The following CDH13 variants were observed in gnomAD, a reference collection of about 807,000 sequenced individuals.
The protein encoded by CDH13 is cadherin-13.
CDH13 carries 24 observed loss-of-function variants against 63.8 expected under a neutral mutation model. The ratio of observed to expected loss-of-function variants is 0.38; its 90% confidence interval spans 0.27 to 0.53. The LOEUF (loss-of-function observed/expected upper bound fraction) is 0.53. Among genes scored for constraint, CDH13 ranks in the 20% least tolerant of loss-of-function variants. The probability of loss-of-function intolerance (pLI) is 0.85; values close to 1 mark genes in which losing one functional copy is unlikely to be tolerated. For synonymous variants in CDH13, 503 were observed against 355.3 expected, an observed-to-expected ratio of 1.42 and a Z score of -4.67; for missense variants, 1,049 against 903.1, an observed-to-expected ratio of 1.16 and a Z score of -2.07.
intron 7 of CDH13, among the ~76,000 whole-genome samples, chr16:83,596,227 G>C (rs1436891617): frequency 6.6e-6 from 1 of 152,220 alleles, no homozygotes; most frequent in Non-Finnish European, 1.5e-5. Context: ...ACCTGGACAA[G>C]TGAAGAGGCA....
At chr16:83,742,698 C>T (rs571495779) in intron 10 of CDH13, among the ~76,000 whole-genome samples, 2 of 152,216 alleles carry the variant, frequency 1.3e-5, no homozygotes, top group Non-Finnish European at 2.9e-5. Context: ...TGGTCTTGAG[C>T]TGTTCTCCCT....
At chr16:82,867,572 G>T (rs939431351) in intron 2 of CDH13, among the ~76,000 whole-genome samples, 1 of 152,134 alleles carries the variant, frequency 6.6e-6, no homozygotes, top group Non-Finnish European at 1.5e-5. Context: ...TTGGTTAGCA[G>T]CCAGGTCCTC....
intron 5 of CDH13, among the ~76,000 whole-genome samples, chr16:83,321,455 T>G (rs2151894711): frequency 6.6e-6 from 1 of 152,144 alleles, no homozygotes; most frequent in Non-Finnish European, 1.5e-5. Context: ...CAAAATGCTA[T>G]GGCATTAAAG....
chr16:82,802,123 G>A (rs969985126), intron 1 of CDH13, among the ~76,000 whole-genome samples: 1 of 151,954 alleles, frequency 6.6e-6, no homozygotes, highest in East Asian at 1.9e-4. Context: ...CCTCTCATTG[G>A]TTGGAGCCTG....
At chr16:83,730,725 T>A (rs1446335059) in intron 10 of CDH13, among the ~76,000 whole-genome samples, 1 of 152,212 alleles carries the variant, frequency 6.6e-6, no homozygotes, top group African/African-American at 2.4e-5. Flanking sequence ...CTGGGTCTAT[T>A]GCGTGTTGCT....
chr16:82,681,820 A>G (rs777396715), intron 1 of CDH13, among the ~76,000 whole-genome samples: 6 of 152,236 alleles, frequency 3.9e-5, no homozygotes, highest in Non-Finnish European at 8.8e-5. Flanking sequence ...ACATGCGTCA[A>G]TGTGTAAACA....
chr16:82,972,908 A>T (rs928405666), intron 2 of CDH13, among the ~76,000 whole-genome samples: 6 of 152,164 alleles, frequency 3.9e-5, no homozygotes, highest in African/African-American at 1.4e-4. Context: ...CCTGATTTTA[A>T]TGAACCCTCG....
At chr16:83,256,426 C>G (rs893904230) in intron 5 of CDH13, among the ~76,000 whole-genome samples, 1 of 152,056 alleles carries the variant, frequency 6.6e-6, no homozygotes, top group African/African-American at 2.4e-5. Context: ...TAAGTATTGT[C>G]AGCTCAGAGT....
chr16:82,666,539 A>G (rs1026686715), intron 1 of CDH13, among the ~76,000 whole-genome samples: 1 of 152,198 alleles, frequency 6.6e-6, no homozygotes, highest in African/African-American at 2.4e-5. Context: ...GGGAAAGCAC[A>G]CACTTTGAAG....
At chr16:83,775,586 C>G (rs900153468) in intron 11 of CDH13, among the ~76,000 whole-genome samples, 1 of 152,084 alleles carries the variant, frequency 6.6e-6, no homozygotes, top group Non-Finnish European at 1.5e-5. Context: ...AGCTCCATTT[C>G]TGGGTGTTTT....
chr16:83,758,657 A>G (rs536270684), intron 11 of CDH13, among the ~76,000 whole-genome samples: 2 of 152,252 alleles, frequency 1.3e-5, no homozygotes, highest in Admixed American at 1.3e-4. Flanking sequence ...GAATTTTCAG[A>G]GAATCTATTA....
At chr16:83,326,284 C>G (rs539589903) in intron 5 of CDH13, among the ~76,000 whole-genome samples, 2 of 152,066 alleles carry the variant, frequency 1.3e-5, no homozygotes, top group African/African-American at 4.8e-5. Context: ...TGTACCATAC[C>G]CATACTTCTT....
At chr16:83,364,523 A>T (rs545294262) in intron 6 of CDH13, among the ~76,000 whole-genome samples, 55 of 152,320 alleles carry the variant, frequency 3.6e-4, no homozygotes, top group African/African-American at 1.2e-3. Flanking sequence ...CTCTAAGACC[A>T]TGTGAACCTG....
At chr16:83,301,025 G>GGTTTTT (rs3052592) in intron 5 of CDH13, among the ~76,000 whole-genome samples, 17 of 78,762 alleles carry the variant, frequency 2.2e-4, no homozygotes, top group African/African-American at 8.6e-4. Flanking sequence ...ACTTTCTGGG[G>GGTTTTT]TTTTTTTTTT....
Position 83,286,933 on chromosome 16 carries a change from C to T in CDH13, c.637-57929C>T, listed in dbSNP as rs183883424. Among the ~76,000 whole-genome samples the T allele has an allele frequency of 3.8e-3, 579 of 152,096 alleles. 5 individuals carry two copies. The highest frequency in any genetic ancestry group is 0.01 in the African/African-American group (422 of 41,480). ...TGGATATTTGATTCCTACTTGTCCC[C>T]CTGCCATGCCCGTGCTCCTATGTGT... is the stretch of plus-strand genomic sequence containing the variant. On this transcript the variant is annotated intron_variant, in intron 5 of 13. Coordinates refer to ENST00000567109, the MANE Select transcript of CDH13 (RefSeq NM_001257.5).
intron 1 of CDH13, among the ~76,000 whole-genome samples, chr16:82,766,712 A>G (rs1597508665): frequency 1.3e-5 from 2 of 152,286 alleles, no homozygotes; most frequent in Middle Eastern, 3.4e-3. Context: ...TCATTATCCA[A>G]ATAAATACAT....
chr16:83,348,017 C>T (rs1372944224), intron 6 of CDH13, among the ~76,000 whole-genome samples: 1 of 151,984 alleles, frequency 6.6e-6, no homozygotes, highest in African/African-American at 2.4e-5. Context: ...TGGTGAAACC[C>T]CATTGCTACG....
At chr16:83,062,951 T>A (rs1201639354) in intron 3 of CDH13, among the ~76,000 whole-genome samples, 1 of 147,134 alleles carries the variant, frequency 6.8e-6, no homozygotes, top group African/African-American at 2.6e-5. Context: ...ATGTCTTATG[T>A]GGTGGTTGGC....
chr16:82,993,617 T>C (rs1175154065), intron 2 of CDH13, among the ~76,000 whole-genome samples: 1 of 152,188 alleles, frequency 6.6e-6, no homozygotes, highest in Non-Finnish European at 1.5e-5. Flanking sequence ...TGAGTCAGCA[T>C]TAAAGACATG....
Sources: gnomAD v4.1 joint callset for allele counts (sites outside exome capture counted in the v4.1 genomes callset) on GRCh38, gnomAD v4.1.1 for gene constraint, MANE v1.5 for transcripts, NCBI Gene and HGNC (gene_info 2026-07-23, HGNC 2026-07-21) for gene names.